The following SIPA1L1 variants were observed in gnomAD, a reference collection of about 807,000 sequenced individuals.
SIPA1L1 encodes signal induced proliferation associated 1 like 1.
A neutral mutation model predicts 162.7 loss-of-function variants in SIPA1L1; 26 were observed. The observed-to-expected ratio is 0.16, with a 90% CI of 0.12 to 0.22. The LOEUF (loss-of-function observed/expected upper bound fraction) is 0.22. SIPA1L1 is among the 10% of genes least tolerant of loss of function. The pLI is 1.00. For synonymous variants in SIPA1L1, 829 were observed against 837.4 expected, an observed-to-expected ratio of 0.99 and a Z score of 0.17; for missense variants, 1,874 against 2,241.0, an observed-to-expected ratio of 0.84 and a Z score of 3.31.
In SIPA1L1 at chr14:71,735,314, C is replaced by A. The variant is rs1566765075; in HGVS notation, c.5046C>A (p.Asn1682Lys). 1.2e-6 allele frequency: 2 copies of A among 1,614,164 alleles called. No homozygotes were observed. The highest frequency in any genetic ancestry group is 1.7e-6 in the Non-Finnish European group (2 of 1,180,008). The change falls in exon 22 of 24, where the codon AAC becomes AAA. Residue 1682 changes from asparagine to lysine, a missense_variant. By Grantham distance (94) the Asn-to-Lys change is moderately conservative. Transcript: ENST00000381232. ...CATTTTTTGCTGCTAGTGATGAAAA[C>A]CATCGCCCCTTGAGTGCTGCATCCA... is the stretch of plus-strand genomic sequence containing the variant. ...RASFFAASDE[N>K]HRPLSAASNS...
At chr14:71,333,060 C>CT (rs1242690127) in intron 2 of SIPA1L1, among the ~76,000 whole-genome samples, 1 of 152,176 alleles carries the variant, frequency 6.6e-6, no homozygotes. Context: ...AACATTTAAA[C>CT]TCAGCTCAGA....
chr14:71,483,513 T>C (rs2048505628), intron 2 of SIPA1L1, among the ~76,000 whole-genome samples: 1 of 152,188 alleles, frequency 6.6e-6, no homozygotes. Context: ...TACATTTGTA[T>C]AAAACCTCTG....
intron 10 of SIPA1L1, 66 bp downstream of exon 10, chr14:71,661,533 C>T (rs1407730803): frequency 6.6e-7 from 1 of 1,526,038 alleles, no homozygotes; most frequent in Non-Finnish European, 8.9e-7. Flanking sequence ...AGGCCCCATT[C>T]AGCTCTGCAT....
intron 11 of SIPA1L1, among the ~76,000 whole-genome samples, chr14:71,671,993 G>A (rs972882503): frequency 2.0e-5 from 3 of 151,326 alleles, no homozygotes; most frequent in African/African-American, 7.3e-5. Context: ...TGGTGCTGCA[G>A]TCCAGTCATC....
At chr14:71,427,029 T>C (rs1353580184) in intron 2 of SIPA1L1, among the ~76,000 whole-genome samples, 1 of 152,244 alleles carries the variant, frequency 6.6e-6, no homozygotes, top group Admixed American at 6.5e-5. Flanking sequence ...AAGTTTAGTC[T>C]CTTAAATCAC....
Position 71,589,182 on chromosome 14 carries a change from G to C in SIPA1L1, c.1310G>C (p.Gly437Ala), listed in dbSNP as rs1487966087. The change falls in exon 5 of 24, where the codon GGC (glycine) becomes GCC (alanine). Residue 437 changes from glycine (G) to alanine (A), a missense_variant. Gly to Ala is a moderately conservative substitution (Grantham distance 60, BLOSUM62 0). Coordinates refer to ENST00000381232, the MANE Select transcript of SIPA1L1 (RefSeq NM_001386936.1). ...ATCAGCCTTTCAAAATCAAATTCTG[G>C]CTCCTTTAGTGGATGTGAAAGTGCC... ...RKISLSKSNSGSFSGCESASF... is the reference protein window; with the variant it reads ...RKISLSKSNSASFSGCESASF... 6.2e-6 allele frequency: 10 copies of C among 1,613,932 alleles called. No individual in the cohort carries two copies. Among genetic ancestry groups the C allele is most frequent in the Non-Finnish European group, 7.6e-6 (9 of 1,179,946 alleles).
In SIPA1L1 at chr14:71,377,939, T is replaced by A. The variant is rs895170152; in HGVS notation, c.-465+56758T>A. On this transcript the variant is annotated intron_variant, in intron 2 of 23. Transcript: ENST00000381232. The surrounding 1 kb of genome is among the most constrained non-coding windows in gnomAD (Gnocchi z 4.8). ...GAGATCGCAGCAGTACAGTCCAGCC[T>A]CGGCAACCGAGGGAGACCGTGGAAA... 2.0e-5 allele frequency among the ~76,000 whole-genome samples: 3 copies of A among 152,022 alleles called. No individual in the cohort carries two copies. The highest frequency in any genetic ancestry group is 4.4e-5 in the Non-Finnish European group (3 of 68,010).
chr14:71,702,324 T>A, intron 14 of SIPA1L1, 57 bp from the exon 15 acceptor site: 9 of 1,599,504 alleles, frequency 5.6e-6, no homozygotes, highest in Non-Finnish European at 6.8e-6. Context: ...CAGGACTGCC[T>A]TCCCCTCATG....
chr14:71,542,746 T>TC (rs2054587464), intron 4 of SIPA1L1, among the ~76,000 whole-genome samples: 1 of 133,890 alleles, frequency 7.5e-6, no homozygotes, highest in African/African-American at 2.7e-5. Context: ...CTTCTCTCTC[T>TC]CTCTTTTTTT....
At chr14:71,376,639 A>G (rs2039397200) in intron 2 of SIPA1L1, among the ~76,000 whole-genome samples, 2 of 151,800 alleles carry the variant, frequency 1.3e-5, no homozygotes, top group South Asian at 2.1e-4. Context: ...GTCATAGGAC[A>G]ATAGTGGAGA....
At chr14:71,395,115 C>T (rs1377107402) in intron 2 of SIPA1L1, among the ~76,000 whole-genome samples, 3 of 152,130 alleles carry the variant, frequency 2.0e-5, no homozygotes, top group Non-Finnish European at 4.4e-5. Flanking sequence ...TGTAATGATT[C>T]ATAATTTCAT....
rs548590077 is a variant in SIPA1L1, at chr14:71,377,233, C to T, written c.-465+56052C>T. Among the ~76,000 whole-genome samples, 263 of 148,160 alleles carry T rather than the reference C, an allele frequency of 1.8e-3. No individual in the cohort carries two copies. The highest frequency in any genetic ancestry group is 6.1e-3 in the African/African-American group (246 of 40,142). On this transcript the variant is annotated intron_variant, in intron 2 of 23. Transcript: ENST00000381232. The surrounding 1 kb of genome is among the most constrained non-coding windows in gnomAD (Gnocchi z 4.8). The stretch of plus-strand genomic sequence containing the variant: ...CCTCCCAGATGGGGTGGCGGCTGGG[C>T]GGGGGTGCCCCCCCACCTCCCAGAC...
At chr14:71,472,688 T>C (rs1196215124) in intron 2 of SIPA1L1, among the ~76,000 whole-genome samples, 1 of 151,530 alleles carries the variant, frequency 6.6e-6, no homozygotes, top group African/African-American at 2.4e-5. Context: ...GTCTGAGATA[T>C]ATAGTGTTTC....
At position 71,444,554 on chromosome 14, in the gene SIPA1L1, T is replaced by A. The variant is rs563326014; in HGVS notation, c.-464-68189T>A. Among the ~76,000 whole-genome samples, 8 of 152,300 alleles carry A rather than the reference T, an allele frequency of 5.3e-5. No homozygotes were observed. In the South Asian group the frequency reaches 1.7e-3, roughly 32 times the overall value. Reference sequence around the variant, plus strand: ...CATTTCCTATCTACAGTTCCCAGATTGGCATTTCTTTTGCTCATCCTGGGA... The same window carrying A: ...CATTTCCTATCTACAGTTCCCAGATAGGCATTTCTTTTGCTCATCCTGGGA... On this transcript the variant is annotated intron_variant, in intron 2 of 23. Coordinates refer to ENST00000381232, the MANE Select transcript of SIPA1L1 (RefSeq NM_001386936.1).
At chr14:71,336,004 A>G (rs969611771) in intron 2 of SIPA1L1, among the ~76,000 whole-genome samples, 13 of 152,180 alleles carry the variant, frequency 8.5e-5, no homozygotes, top group Admixed American at 6.5e-4. Context: ...TTAAATCTGT[A>G]TCTTTTTCAT....
chr14:71,703,839 T>C (rs775101225), intron 15 of SIPA1L1, among the ~76,000 whole-genome samples: 4 of 152,160 alleles, frequency 2.6e-5, no homozygotes, highest in Non-Finnish European at 4.4e-5. Flanking sequence ...ACAAGGTTCT[T>C]CCTAGACCCC....
intron 2 of SIPA1L1, among the ~76,000 whole-genome samples, chr14:71,431,745 T>C (rs1261807909): frequency 6.6e-6 from 1 of 152,116 alleles, no homozygotes; most frequent in African/African-American, 2.4e-5. Context: ...AAGTTGGACT[T>C]CATAATCCTT....
chr14:71,481,061 T>C (rs1390384347), intron 2 of SIPA1L1, among the ~76,000 whole-genome samples: 1 of 152,232 alleles, frequency 6.6e-6, no homozygotes, highest in Non-Finnish European at 1.5e-5. Context: ...TTCTCATCTT[T>C]TGTTACTTTA....
intron 17 of SIPA1L1, among the ~76,000 whole-genome samples, chr14:71,719,967 C>A (rs1204996): frequency 0.7 from 106,717 of 152,108 alleles, 39,475 homozygotes; most frequent in East Asian, 0.95. Context: ...ATGTTATCCC[C>A]CACTCTGTGG....
Sources: gnomAD v4.1 joint callset for allele counts (sites outside exome capture counted in the v4.1 genomes callset) on GRCh38, gnomAD v4.1.1 for gene constraint, Gnocchi (gnomAD v3.1) non-coding constraint, MANE v1.5 for transcripts, NCBI Gene and HGNC (gene_info 2026-07-23, HGNC 2026-07-21) for gene names.